The following ITPA variants were observed in gnomAD, a reference collection of about 807,000 sequenced individuals.
The protein encoded by ITPA is inosine triphosphatase, also known as inosine triphosphate pyrophosphatase.
ITPA carries 29 observed loss-of-function variants against 29.6 expected under a neutral mutation model. That is an observed-to-expected ratio of 0.98 (90% CI 0.73 to 1.34). The LOEUF is 1.34. Ranked by LOEUF, ITPA falls within the 40% of genes most tolerant of loss-of-function variation. The pLI is 0.00. For synonymous variants in ITPA, 103 were observed against 99.3 expected (o/e 1.04, Z -0.22); for missense variants, 241 against 251.5 (o/e 0.96, Z 0.28).
downstream of ITPA, among the ~76,000 whole-genome samples, chr20:3,226,297 G>C (rs1444561964): frequency 6.6e-6 from 1 of 152,206 alleles, no homozygotes; most frequent in East Asian, 1.9e-4. The surrounding 1 kb of genome is among the most constrained non-coding windows in gnomAD (Gnocchi z 4.4). Flanking sequence ...GCTGTCCCGT[G>C]ACAAATCCCT....
intron 7 of ITPA, among the ~76,000 whole-genome samples, chr20:3,222,925 G>A (rs1406817788): frequency 6.6e-6 from 1 of 152,226 alleles, no homozygotes; most frequent in Non-Finnish European, 1.5e-5. Context: ...GCGGGGTATG[G>A]GATTCTCACC....
chr20:3,217,987 G>A (rs989266242), intron 5 of ITPA, among the ~76,000 whole-genome samples: 3 of 150,352 alleles, frequency 2.0e-5, no homozygotes, highest in East Asian at 3.9e-4. Context: ...GCCCGATCTC[G>A]GCTCACTGCA....
At chr20:3,221,438 C>T (rs771909446) in intron 6 of ITPA, among the ~76,000 whole-genome samples, 6 of 152,128 alleles carry the variant, frequency 3.9e-5, no homozygotes, top group African/African-American at 9.7e-5. Flanking sequence ...TCATAGTAGC[C>T]GGCATCTGGC....
downstream of ITPA, among the ~76,000 whole-genome samples, chr20:3,226,807 C>A (rs971042087): frequency 3.9e-5 from 6 of 152,174 alleles, no homozygotes; most frequent in African/African-American, 2.4e-5. The surrounding 1 kb of genome is among the most constrained non-coding windows in gnomAD (Gnocchi z 4.4). Context: ...ACCCGGCACT[C>A]CCCTGAGCCT....
intron 6 of ITPA, among the ~76,000 whole-genome samples, chr20:3,219,341 A>G (rs2067400579): frequency 6.7e-6 from 1 of 150,172 alleles, no homozygotes; most frequent in South Asian, 2.1e-4. Flanking sequence ...AGGTTTGGTG[A>G]TTTACACCTG....
chr20:3,213,620 T>C (rs924079029), intron 3 of ITPA, among the ~76,000 whole-genome samples: 42 of 152,096 alleles, frequency 2.8e-4, no homozygotes, highest in Non-Finnish European at 7.4e-5. Context: ...CAGACTCCCC[T>C]TCCCCCAAAT....
chr20:3,223,719 C>G lies in ITPA; in HGVS notation c.*257C>G. ...GCCAGGCCTGGGGTCCTGAAAGGAC[C>G]TTGGGTGGTAAAGCTGTACTTGGTG... On this transcript the variant is annotated 3_prime_UTR_variant, in exon 8 of 8. Coordinates refer to ENST00000380113, the MANE Select transcript of ITPA (RefSeq NM_033453.4). 3.6e-6 allele frequency: 2 copies of G among 557,814 alleles called. No individual in the cohort carries two copies. Among genetic ancestry groups the G allele is most frequent in the Non-Finnish European group, 6.5e-6 (2 of 309,982 alleles). 34.6% of individuals were successfully genotyped at this position (557,814 alleles called of 1,614,324 possible).
intron 1 of ITPA, among the ~76,000 whole-genome samples, chr20:3,210,585 T>C (rs2067148449): frequency 6.6e-6 from 1 of 152,030 alleles, no homozygotes; most frequent in Non-Finnish European, 1.5e-5. Context: ...GGGACTGATG[T>C]CACTTTGGTG....
At chr20:3,220,286 G>C (rs1244551810) in intron 6 of ITPA, among the ~76,000 whole-genome samples, 1 of 151,998 alleles carries the variant, frequency 6.6e-6, no homozygotes, top group Admixed American at 6.6e-5. Flanking sequence ...TTGAACTCCC[G>C]ACCTTAAGTG....
chr20:3,206,933 G>A (rs965682869), upstream of ITPA, among the ~76,000 whole-genome samples: 17 of 152,036 alleles, frequency 1.1e-4, no homozygotes, highest in Admixed American at 5.3e-4. Context: ...AGAACTGCTC[G>A]AACCCAATAT....
chr20:3,213,677 C>G (rs1368062634), intron 3 of ITPA, among the ~76,000 whole-genome samples: 1 of 152,196 alleles, frequency 6.6e-6, no homozygotes, highest in Non-Finnish European at 1.5e-5. Flanking sequence ...CACACATCCA[C>G]CGCTGCATTC....
chr20:3,205,227 C>T (rs2067062585), upstream of ITPA, among the ~76,000 whole-genome samples: 1 of 152,106 alleles, frequency 6.6e-6, no homozygotes, highest in Non-Finnish European at 1.5e-5. Context: ...CGAAAAGAGG[C>T]TTGGGACTGA....
chr20:3,218,741 C>T (rs1600524204), intron 6 of ITPA, 109 bp downstream of exon 6: 2 of 769,618 alleles, frequency 2.6e-6, no homozygotes, highest in Non-Finnish European at 2.3e-6. Flanking sequence ...CGCCTTGGGG[C>T]CAGAGATATC....
At chr20:3,205,116 C>T (rs1489963143), upstream of ITPA, among the ~76,000 whole-genome samples, 2 of 152,134 alleles carry the variant, frequency 1.3e-5, no homozygotes, top group African/African-American at 4.8e-5. Context: ...TCCCAAAGTG[C>T]TGGGATTACA....
intron 5 of ITPA, among the ~76,000 whole-genome samples, chr20:3,216,394 G>C (rs1422477882): frequency 6.6e-6 from 1 of 150,792 alleles, no homozygotes; most frequent in African/African-American, 2.4e-5. Context: ...TTCTGACCTC[G>C]TGATCTGCCT....
chr20:3,227,259 G>C (rs138796180), downstream of ITPA, among the ~76,000 whole-genome samples: 42 of 152,346 alleles, frequency 2.8e-4, no homozygotes, highest in East Asian at 4.1e-3. Context: ...GATCTTCCAT[G>C]TTTCACTGTT....
chr20:3,204,596 G>GCCGCTACCAAGTACCA, upstream of ITPA: 1 of 1,589,372 alleles, frequency 6.3e-7, no homozygotes, highest in Non-Finnish European at 8.5e-7. Flanking sequence ...TAGCAGAGCC[G>GCCGCTACCAAGTACCA]CCGCTACCAA....
upstream of ITPA, among the ~76,000 whole-genome samples, chr20:3,204,868 T>C (rs867107188): frequency 1.4e-4 from 21 of 152,212 alleles, no homozygotes; most frequent in South Asian, 6.2e-4. Flanking sequence ...ATGTTTTTTT[T>C]TTTTGAGACG....
chr20:3,205,582 T>A (rs1045736294), upstream of ITPA, among the ~76,000 whole-genome samples: 3 of 151,948 alleles, frequency 2.0e-5, no homozygotes, highest in Admixed American at 6.6e-5. Flanking sequence ...CACCTGTGAT[T>A]CCAGGTACTT....
Sources: gnomAD v4.1 joint callset for allele counts (sites outside exome capture counted in the v4.1 genomes callset) on GRCh38, gnomAD v4.1.1 for gene constraint, Gnocchi (gnomAD v3.1) non-coding constraint, MANE v1.5 for transcripts, NCBI Gene and HGNC (gene_info 2026-07-23, HGNC 2026-07-21) for gene names.